PHACTR1: variants seen among roughly 807,000 people sequenced by gnomAD.
PHACTR1 encodes RPEL repeat containing 1.
PHACTR1 carries 16 observed loss-of-function variants against 69.2 expected under a neutral mutation model. The observed-to-expected ratio is 0.23, with a 90% CI of 0.16 to 0.35. The LOEUF (loss-of-function observed/expected upper bound fraction) is 0.35. Ranked by LOEUF, PHACTR1 falls within the 10% of genes least tolerant of loss-of-function variation. The pLI, the probability that PHACTR1 is intolerant of heterozygous loss-of-function variation, is 1.00. For missense variants in PHACTR1, 510 were observed against 734.7 expected (o/e 0.69, Z 3.54); for synonymous variants, 312 against 284.5 (o/e 1.10, Z -0.97).
intron 5 of PHACTR1, among the ~76,000 whole-genome samples, chr6:13,100,139 CA>C (rs1376288978): frequency 3.9e-5 from 6 of 152,112 alleles, no homozygotes; most frequent in African/African-American, 1.4e-4. Flanking sequence ...CTACATCAAT[CA>C]AAAGATAGAT....
intron 4 of PHACTR1, among the ~76,000 whole-genome samples, chr6:12,766,834 T>A (rs779624847): frequency 2.6e-5 from 4 of 152,234 alleles, no homozygotes; most frequent in Non-Finnish European, 5.9e-5. Flanking sequence ...AATGTTCAAA[T>A]GTTTATTTCA....
At chr6:12,822,795 C>G (rs143186327) in intron 4 of PHACTR1, among the ~76,000 whole-genome samples, 1 of 152,198 alleles carries the variant, frequency 6.6e-6, no homozygotes, top group African/African-American at 2.4e-5. Flanking sequence ...ATTCTGAGGT[C>G]AAAAGTGAGA....
chr6:13,181,008 C>G (rs1376491127), intron 6 of PHACTR1, among the ~76,000 whole-genome samples: 1 of 151,796 alleles, frequency 6.6e-6, no homozygotes, highest in Non-Finnish European at 1.5e-5. Context: ...GAAAAAAAAA[C>G]ACACTCTTCA....
rs559820416 is a variant in PHACTR1 at position 13,202,112 on chromosome 6, C to T, written c.665-3703C>T. On this transcript the variant is annotated intron_variant, in intron 7 of 14. Coordinates refer to ENST00000332995, the MANE Select transcript of PHACTR1 (RefSeq NM_030948.6). ...CCTTTCCTGGAACAGTAAGAACAAC[C>T]GTCTCCACTAACTTGGTCCAGCTGG... 3.9e-5 allele frequency among the ~76,000 whole-genome samples: 6 copies of T among 152,264 alleles called. No individual in the cohort carries two copies. In the South Asian group the frequency reaches 6.2e-4, roughly 16 times the overall value.
intron 5 of PHACTR1, among the ~76,000 whole-genome samples, chr6:13,119,699 G>C (rs1818410659): frequency 6.6e-6 from 1 of 152,224 alleles, no homozygotes; most frequent in Non-Finnish European, 1.5e-5. Flanking sequence ...GGGCCTGAGA[G>C]AGGCTGAGCG....
intron 5 of PHACTR1, among the ~76,000 whole-genome samples, chr6:13,084,901 C>T (rs918873718): frequency 5.9e-5 from 9 of 151,824 alleles, no homozygotes; most frequent in Non-Finnish European, 1.0e-4. Flanking sequence ...GAAGAGGGAA[C>T]AGGATAAAGA....
chr6:13,057,096 A>G (rs1806906122), intron 5 of PHACTR1, among the ~76,000 whole-genome samples: 1 of 152,214 alleles, frequency 6.6e-6, no homozygotes, highest in African/African-American at 2.4e-5. Context: ...AGCGTAGACT[A>G]TAGTTAAGAA....
chr6:12,836,581 T>A (rs547277266), intron 4 of PHACTR1, among the ~76,000 whole-genome samples: 4 of 152,118 alleles, frequency 2.6e-5, no homozygotes, highest in Non-Finnish European at 5.9e-5. Context: ...ACTGTCCCTG[T>A]AAACTTTATT....
intron 4 of PHACTR1, among the ~76,000 whole-genome samples, chr6:12,990,630 C>T (rs530477287): frequency 3.3e-5 from 5 of 152,346 alleles, no homozygotes; most frequent in South Asian, 4.1e-4. Flanking sequence ...AATTTGCTGT[C>T]TATGGATGGC....
At chr6:12,784,790 C>G (rs1771331959) in intron 4 of PHACTR1, among the ~76,000 whole-genome samples, 1 of 151,934 alleles carries the variant, frequency 6.6e-6, no homozygotes, top group Non-Finnish European at 1.5e-5. Flanking sequence ...TCTTGGCTCA[C>G]CGCAACCTCC....
At chr6:12,997,766 A>G (rs754671980) in intron 4 of PHACTR1, among the ~76,000 whole-genome samples, 6 of 152,074 alleles carry the variant, frequency 3.9e-5, no homozygotes, top group Admixed American at 6.5e-5. Flanking sequence ...CATCCTGGCT[A>G]ATAAGGTGAA....
intron 7 of PHACTR1, among the ~76,000 whole-genome samples, chr6:13,190,927 C>G (rs1031209173): frequency 6.6e-6 from 1 of 152,138 alleles, no homozygotes; most frequent in African/African-American, 2.4e-5. Flanking sequence ...AGCATGTGTA[C>G]CTGTGTAACA....
chr6:12,988,336 G>A (rs77090635), intron 4 of PHACTR1, among the ~76,000 whole-genome samples: 3,339 of 152,236 alleles, frequency 0.022, 122 homozygotes, highest in African/African-American at 0.075. Flanking sequence ...TATGTGGCAC[G>A]AAGCCACATC....
At chr6:12,823,716 A>T (rs1776462150) in intron 4 of PHACTR1, among the ~76,000 whole-genome samples, 1 of 152,172 alleles carries the variant, frequency 6.6e-6, no homozygotes, top group South Asian at 2.1e-4. Flanking sequence ...CTACATTTCG[A>T]TTTTGTCGGT....
chr6:12,743,463 G>A (rs1426855244), intron 3 of PHACTR1, among the ~76,000 whole-genome samples: 2 of 152,090 alleles, frequency 1.3e-5, no homozygotes, highest in Non-Finnish European at 2.9e-5. Context: ...TCAGATAAGA[G>A]TTTTCTAAAG....
chr6:13,191,258 T>A (rs1184119722), intron 7 of PHACTR1, among the ~76,000 whole-genome samples: 1 of 152,110 alleles, frequency 6.6e-6, no homozygotes, highest in African/African-American at 2.4e-5. Context: ...AAAATGAATG[T>A]TTGCATAGAA....
intron 4 of PHACTR1, among the ~76,000 whole-genome samples, chr6:12,853,369 C>T (rs1430420651): frequency 1.3e-5 from 2 of 152,106 alleles, no homozygotes; most frequent in East Asian, 3.9e-4. Flanking sequence ...TCAGATTTGG[C>T]ACAGGAGATA....
chr6:12,915,506 CAAAAAAAAAAAAAAGAA>C (rs980519479), intron 4 of PHACTR1, among the ~76,000 whole-genome samples: 1 of 50,240 alleles, frequency 2.0e-5, no homozygotes, highest in African/African-American at 7.3e-5. Flanking sequence ...AACTCTCTCT[CAAAAAAAAAAAAAAGAA>C]AAAAAAAAAA....
At chr6:13,260,819 G>T (rs1775806334) in intron 10 of PHACTR1, among the ~76,000 whole-genome samples, 1 of 152,136 alleles carries the variant, frequency 6.6e-6, no homozygotes, top group East Asian at 1.9e-4. Flanking sequence ...ATATAATAGA[G>T]AAAGGTTTAG....
Sources: gnomAD v4.1 joint callset for allele counts (sites outside exome capture counted in the v4.1 genomes callset) on GRCh38, gnomAD v4.1.1 for gene constraint, MANE v1.5 for transcripts, NCBI Gene and HGNC (gene_info 2026-07-23, HGNC 2026-07-21) for gene names.